DDX23: variants seen among roughly 807,000 people sequenced by gnomAD.
The protein encoded by DDX23 is probable ATP-dependent RNA helicase DDX23.
A neutral mutation model predicts 102.7 loss-of-function variants in DDX23; 33 were observed. The ratio of observed to expected loss-of-function variants is 0.32; its 90% CI spans 0.24 to 0.43. The LOEUF is 0.43. Among genes scored for constraint, DDX23 ranks in the 20% least tolerant of loss-of-function variants. DDX23 has a pLI of 1.00. For missense variants in DDX23, 549 were observed against 1,086.6 expected, an observed-to-expected ratio of 0.51 and a Z score of 6.96; for synonymous variants, 352 against 376.0, an observed-to-expected ratio of 0.94 and a Z score of 0.74.
chr12:48,847,301 G>A (rs535517603), intron 1 of DDX23: 3 of 152,276 alleles, frequency 2.0e-5, no homozygotes, highest in East Asian at 1.9e-4. Context: ...CAGATCATGA[G>A]GTCAGGAGAT....
intron 1 of DDX23, among the ~76,000 whole-genome samples, chr12:48,851,865 G>T (rs540309142): frequency 6.6e-6 from 1 of 152,238 alleles, no homozygotes; most frequent in Non-Finnish European, 1.5e-5. Context: ...AGTCCTGGGA[G>T]GAAAATATCG....
intron 11 of DDX23, 91 bp from the exon 12 acceptor site, chr12:48,834,588 C>A: frequency 8.2e-7 from 1 of 1,216,752 alleles, no homozygotes; most frequent in Admixed American, 2.2e-5. Context: ...TTACGGGGAG[C>A]AATGGGAATG....
rs77211053 is a variant in DDX23 at position 48,832,012 on chromosome 12, G to A, written c.2064+66C>T. 4.4e-4 allele frequency: 641 copies of A among 1,445,440 alleles called. 10 individuals are homozygous for A. The African/African-American group carries it at 8.0e-3, about 18-fold the overall frequency. 89.5% of individuals were successfully genotyped at this position (1,445,440 alleles called of 1,614,324 possible). On this transcript the variant is annotated intron_variant, in intron 15 of 16. Coordinates refer to ENST00000308025, the MANE Select transcript of DDX23 (RefSeq NM_004818.3). This position sits in a 1 kb window ranked among gnomAD's most constrained non-coding sequence, Gnocchi z 4.4. Reference sequence around the variant, plus strand: ...TGAGACTTGAAAGGAAGAGCCTAGGGGGCCCTGCTAGATTCAGAAAGCAGT... The same window carrying A: ...TGAGACTTGAAAGGAAGAGCCTAGGAGGCCCTGCTAGATTCAGAAAGCAGT...
chr12:48,836,252 T>G lies in DDX23; in HGVS notation c.1251A>C (p.Ile417=), dbSNP rs1057908. The part of the protein sequence containing the change: ...DKCGYKEPTP[I]QRQAIPIGLQ... ...GCCCAATGGGAATTGCCTGACGCTG[T>G]ATAGGTGTTGGTTCCTGCAGTGACC... Residue 417 remains isoleucine (I), a synonymous_variant, in exon 11 of 17, where the codon ATA becomes ATC. Transcript: ENST00000308025. This position sits in a 1 kb window ranked among gnomAD's most constrained non-coding sequence, Gnocchi z 6.1. 750,207 of 1,613,674 alleles carry G rather than the reference T, an allele frequency of 0.46. 176,243 individuals are homozygous for G. The highest frequency in any genetic ancestry group is 0.6 in the East Asian group (27,106 of 44,850).
chr12:48,837,063 A>G (rs1938475959), intron 8 of DDX23, 26 bp from the exon 9 acceptor site: 1 of 1,613,064 alleles, frequency 6.2e-7, no homozygotes, highest in Non-Finnish European at 8.5e-7. Flanking sequence ...AGGAAAAGAA[A>G]AAAGAAGGAG....
In DDX23 at chr12:48,836,481, G is replaced by A; in HGVS notation, c.1236+88C>T. On this transcript the variant is annotated intron_variant, in intron 10 of 16. Coordinates refer to ENST00000308025, the MANE Select transcript of DDX23 (RefSeq NM_004818.3). The surrounding 1 kb of genome is among the most constrained non-coding windows in gnomAD (Gnocchi z 6.1). Reference sequence around the variant, plus strand: ...ACATTGGTGCCCACTAGCAGCGATGGCTCCAAATAGTCAAGGAACAAAGTT... The same window carrying A: ...ACATTGGTGCCCACTAGCAGCGATGACTCCAAATAGTCAAGGAACAAAGTT... The A allele has an allele frequency of 1.4e-6, 2 of 1,391,694 alleles. No homozygotes were observed. Among genetic ancestry groups the A allele is most frequent in the Non-Finnish European group, 2.0e-6 (2 of 996,846 alleles). 86.2% of individuals were successfully genotyped at this position (1,391,694 alleles called of 1,614,324 possible).
chr12:48,834,607 G>A lies in DDX23; in HGVS notation c.1383-110C>T. Reference sequence around the variant, plus strand: ...GGGGAGCAATGGGAATGGGGAGGATGATGAGAAAAGAATGCAATGATCTCA... The same window carrying A: ...GGGGAGCAATGGGAATGGGGAGGATAATGAGAAAAGAATGCAATGATCTCA... On this transcript the variant is annotated intron_variant, in intron 11 of 16. Coordinates refer to ENST00000308025, the MANE Select transcript of DDX23 (RefSeq NM_004818.3). The A allele has an allele frequency of 5.8e-6, 6 of 1,029,086 alleles. No homozygotes were observed. In the South Asian group the frequency reaches 7.9e-5, roughly 14 times the overall value. 63.7% of individuals were successfully genotyped at this position (1,029,086 alleles called of 1,614,324 possible). A position where few individuals can be genotyped will look rare whatever the true frequency, so the allele number is the denominator to read the frequency against.
intron 8 of DDX23, 60 bp from the exon 9 acceptor site, chr12:48,837,097 G>A (rs1284098233): frequency 1.2e-6 from 2 of 1,607,194 alleles, no homozygotes; most frequent in Non-Finnish European, 1.7e-6. Flanking sequence ...TAGGAAGGAA[G>A]GGCAGACTAC....
intron 1 of DDX23, among the ~76,000 whole-genome samples, chr12:48,847,547 T>C (rs1390557122): frequency 6.6e-6 from 1 of 151,720 alleles, no homozygotes; most frequent in Non-Finnish European, 1.5e-5. Context: ...ACCTATGTCT[T>C]GACTGGGTGT....
chr12:48,845,655 T>A lies in DDX23; in HGVS notation c.128A>T (p.Asp43Val). 1.2e-6 allele frequency: 2 copies of A among 1,614,202 alleles called. No homozygotes were observed. The highest frequency in any genetic ancestry group is 2.2e-5 in the South Asian group (2 of 91,082). The change falls in exon 2 of 17, where the codon GAT (aspartate) becomes GTT (valine). Residue 43 changes from aspartate (D) to valine (V), a missense_variant. By Grantham distance (152) the Asp-to-Val change is radical. Around this residue, in one of 4 missense-constraint regions of DDX23, gnomAD observed 241 missense variants for 267.0 expected, o/e 0.90. Transcript: ENST00000308025. Reference protein sequence around the residue: ...DRDRKSSPSKDRKRHRSRDRR... With the variant: ...DRDRKSSPSKVRKRHRSRDRR... ...ATCCCTTGAACGATGCCGCTTTCTA[T>A]CTTTAGATGGGGAAGACTTCCGGTC...
intron 11 of DDX23, 85 bp from the exon 12 acceptor site, chr12:48,834,582 G>A (rs1044167030): frequency 9.5e-6 from 12 of 1,258,674 alleles, no homozygotes; most frequent in African/African-American, 4.5e-5. Context: ...TCACTCTTAC[G>A]GGGAGCAATG....
chr12:48,851,025 G>T (rs2453483), intron 1 of DDX23, among the ~76,000 whole-genome samples: 12,356 of 152,232 alleles, frequency 0.081, 684 homozygotes, highest in Middle Eastern at 0.12. Context: ...CAAACCTCCA[G>T]ATCTTCAGGT....
chr12:48,852,126 A>C lies in DDX23; in HGVS notation c.-43T>G, dbSNP rs1257053230. Reference sequence around the variant, plus strand: ...GCCCAACGCGGCCTCAACGTCGCGGAGCCGTCGCCATCTTTCCCGTTTCCT... The same window carrying C: ...GCCCAACGCGGCCTCAACGTCGCGGCGCCGTCGCCATCTTTCCCGTTTCCT... On this transcript the variant is annotated 5_prime_UTR_variant, in exon 1 of 17. Transcript: ENST00000308025. 1 of 152,396 alleles carries C rather than the reference A, an allele frequency of 6.6e-6. No individual in the cohort carries two copies. The highest frequency in any genetic ancestry group is 2.4e-5 in the African/African-American group (1 of 41,454). 9.4% of individuals were successfully genotyped at this position (152,396 alleles called of 1,614,324 possible). A position where few individuals can be genotyped will look rare whatever the true frequency, so the allele number is the denominator to read the frequency against.
rs554771532 is a variant in DDX23 at position 48,844,403 on chromosome 12, C to T, written c.210-353G>A. Among the ~76,000 whole-genome samples the T allele has an allele frequency of 7.9e-5, 12 of 152,098 alleles. No individual in the cohort carries two copies. The South Asian group carries it at 1.5e-3, about 18-fold the overall frequency. ...AAGGAATTGTCATGCCTCAGCCTCC[C>T]GAGTAGCTGGGATTACAGATGTGCA... On this transcript the variant is annotated intron_variant, in intron 2 of 16. Coordinates refer to ENST00000308025, the MANE Select transcript of DDX23 (RefSeq NM_004818.3).
intron 12 of DDX23, 84 bp downstream of exon 12, chr12:48,834,236 T>G: frequency 7.4e-7 from 1 of 1,347,692 alleles, no homozygotes; most frequent in African/African-American, 1.5e-5. Context: ...TTCATACTAC[T>G]GCACATATAT....
rs556615922 is a variant in DDX23 at position 48,836,861 on chromosome 12, C to T, written c.1010+33G>A. ...AACTCCTTTCTGTAGAGCCTCTGGG[C>T]TCTGTCCAGCCACCCTAGCCTTGAT... On this transcript the variant is annotated intron_variant, in intron 9 of 16. Coordinates refer to ENST00000308025, the MANE Select transcript of DDX23 (RefSeq NM_004818.3). The surrounding 1 kb of genome is among the most constrained non-coding windows in gnomAD (Gnocchi z 6.1). The T allele has an allele frequency of 1.6e-5, 26 of 1,613,872 alleles. 1 individual carries two copies. In the South Asian group the frequency reaches 2.4e-4, roughly 15 times the overall value.
chr12:48,836,300 G>C lies in DDX23; in HGVS notation c.1237-34C>G. ...ACCCCAAGAAAGAGTAATAGGTACA[G>C]GGAGAGTTATACCACCTGGGCAACC... On this transcript the variant is annotated intron_variant, in intron 10 of 16. Transcript: ENST00000308025. This position sits in a 1 kb window ranked among gnomAD's most constrained non-coding sequence, Gnocchi z 6.1. 6.2e-7 allele frequency: 1 copy of C among 1,609,460 alleles called. No individual in the cohort carries two copies. The highest frequency in any genetic ancestry group is 1.1e-5 in the South Asian group (1 of 90,960).
intron 12 of DDX23, among the ~76,000 whole-genome samples, chr12:48,834,067 T>A (rs929184995): frequency 6.6e-6 from 1 of 152,198 alleles, no homozygotes; most frequent in African/African-American, 2.4e-5. Flanking sequence ...AGGCAGTTAT[T>A]AACCTGAACC....
rs1048061010 is a variant in DDX23, at chr12:48,833,328, G to A, written c.1752C>T (p.Asp584=). The change falls in exon 13 of 17, where the codon GAC becomes GAT. Residue 584 remains aspartate, a synonymous_variant. Transcript: ENST00000308025. The part of the protein sequence containing the change: ...NQKPDTDEAE[D]PEKMLANFES... The stretch of plus-strand genomic sequence containing the variant: ...CAAAGTTGGCCAGCATCTTCTCAGG[G>A]TCCTCAGCCTCATCCGTGTCTGGCT... The A allele has an allele frequency of 1.2e-6, 2 of 1,614,020 alleles. No individual in the cohort carries two copies. The highest frequency in any genetic ancestry group is 1.7e-6 in the Non-Finnish European group (2 of 1,180,050).
Sources: gnomAD v4.1 joint callset for allele counts (sites outside exome capture counted in the v4.1 genomes callset) on GRCh38, gnomAD v4.1.1 for gene constraint, gnomAD v4.1.1 regional missense constraint, Gnocchi (gnomAD v3.1) non-coding constraint, MANE v1.5 for transcripts, NCBI Gene and HGNC (gene_info 2026-07-23, HGNC 2026-07-21) for gene names.